Variants in ZDHHC2 observed in about 807,000 individuals in gnomAD.
ZDHHC2 encodes the protein palmitoyltransferase ZDHHC2.
Under a neutral mutation model 55.6 loss-of-function variants are expected in ZDHHC2, and 51 were observed. The observed-to-expected ratio is 0.92, with a 90% CI of 0.73 to 1.16. The LOEUF (loss-of-function observed/expected upper bound fraction) is 1.16, where lower values mean the gene tolerates loss of function less well. Ranked by LOEUF, ZDHHC2 falls within the 50% of genes most tolerant of loss-of-function variation. The pLI, the probability that ZDHHC2 is intolerant of heterozygous loss-of-function variation, is 0.00. For missense variants in ZDHHC2, 491 were observed against 442.4 expected (o/e 1.11, Z -0.99); for synonymous variants, 199 against 152.9 (o/e 1.30, Z -2.22).
chr8:17,168,835 A>C (rs150989226), intron 1 of ZDHHC2, among the ~76,000 whole-genome samples: 153 of 152,154 alleles, frequency 1.0e-3, no homozygotes, highest in Non-Finnish European at 1.7e-3. Context: ...CATTTTTTCA[A>C]AGTTCACCTG....
chr8:17,204,424 A>G (rs1216987688), intron 6 of ZDHHC2, among the ~76,000 whole-genome samples: 3 of 152,254 alleles, frequency 2.0e-5, no homozygotes, highest in Non-Finnish European at 4.4e-5. Context: ...TCTATTTAAT[A>G]GGTTCGTTAT....
chr8:17,157,120 C>T (rs894016814), intron 1 of ZDHHC2, among the ~76,000 whole-genome samples: 3 of 152,094 alleles, frequency 2.0e-5, no homozygotes, highest in African/African-American at 7.2e-5. Context: ...TTCCGCTCAC[C>T]GCCGCCGCCT....
intron 6 of ZDHHC2, among the ~76,000 whole-genome samples, chr8:17,204,442 A>G (rs948615601): frequency 6.6e-6 from 1 of 152,258 alleles, no homozygotes; most frequent in East Asian, 1.9e-4. Context: ...TATACCGGTT[A>G]ACCAAGAAGT....
chr8:17,178,205 C>G (rs1193834319), intron 1 of ZDHHC2, among the ~76,000 whole-genome samples: 1 of 152,042 alleles, frequency 6.6e-6, no homozygotes, highest in South Asian at 2.1e-4. Context: ...TCATTAGATA[C>G]CATTTAGGAC....
At chr8:17,199,680 CTTCTT>C (rs1407756144) in intron 6 of ZDHHC2, among the ~76,000 whole-genome samples, 8 of 137,120 alleles carry the variant, frequency 5.8e-5, no homozygotes, top group African/African-American at 2.1e-4. Context: ...CCTTCTTCTT[CTTCTT>C]TTCTTCTTTC....
intron 1 of ZDHHC2, among the ~76,000 whole-genome samples, chr8:17,173,925 C>A (rs1563144068): frequency 6.6e-6 from 1 of 152,064 alleles, no homozygotes; most frequent in South Asian, 2.1e-4. Flanking sequence ...CCTTATCCAA[C>A]GTGACTTGCT....
chr8:17,211,360 C>G (rs1807378881), intron 10 of ZDHHC2, among the ~76,000 whole-genome samples: 1 of 152,146 alleles, frequency 6.6e-6, no homozygotes, highest in Admixed American at 6.5e-5. Flanking sequence ...CACCAACACT[C>G]CATATTGAAC....
intron 1 of ZDHHC2, among the ~76,000 whole-genome samples, chr8:17,174,725 T>C (rs1483456554): frequency 1.4e-5 from 2 of 147,540 alleles, no homozygotes; most frequent in Non-Finnish European, 3.0e-5. Context: ...TTTTTTTTTT[T>C]TTTGAGACAT....
chr8:17,188,302 C>T (rs901672266), intron 3 of ZDHHC2, among the ~76,000 whole-genome samples: 3 of 152,066 alleles, frequency 2.0e-5, no homozygotes, highest in Non-Finnish European at 2.9e-5. Context: ...GTAACGCCTT[C>T]CCTCTACTGC....
intron 6 of ZDHHC2, among the ~76,000 whole-genome samples, chr8:17,204,322 G>A (rs940200998): frequency 8.5e-5 from 13 of 152,256 alleles, no homozygotes; most frequent in Middle Eastern, 6.8e-3. Flanking sequence ...TTTTACCTAC[G>A]TTAGAAGGGG....
At chr8:17,215,815 C>T (rs1320845561) in intron 11 of ZDHHC2, among the ~76,000 whole-genome samples, 2 of 152,154 alleles carry the variant, frequency 1.3e-5, no homozygotes, top group Non-Finnish European at 2.9e-5. Flanking sequence ...CTTCATATCC[C>T]ACTCACATTC....
chr8:17,218,721 G>T (rs1807763834), intron 12 of ZDHHC2, among the ~76,000 whole-genome samples: 1 of 152,116 alleles, frequency 6.6e-6, no homozygotes, highest in South Asian at 2.1e-4. Context: ...ATGGCAGCAT[G>T]AATCAGCGCT....
intron 3 of ZDHHC2, among the ~76,000 whole-genome samples, chr8:17,194,516 A>G (rs1219367337): frequency 1.3e-5 from 2 of 151,666 alleles, no homozygotes; most frequent in Non-Finnish European, 2.9e-5. Flanking sequence ...AAACTTAACA[A>G]CTATCCTGCG....
At position 17,209,931 on chromosome 8, in the gene ZDHHC2, G is replaced by C; in HGVS notation, c.731-1G>C. The C allele has an allele frequency of 6.2e-7, 1 of 1,601,090 alleles. No homozygotes were observed. ...GTGATTCCTTTACCATCTTTTTTTA[G>C]AGGCATTCAGAAGTCCAGTATTTCG... On this transcript the variant is annotated splice_acceptor_variant, in intron 8 of 12. Coordinates refer to ENST00000262096, the MANE Select transcript of ZDHHC2 (RefSeq NM_016353.5). LOFTEE classifies it high-confidence loss of function.
chr8:17,203,922 C>G (rs1318717447), intron 6 of ZDHHC2, among the ~76,000 whole-genome samples: 4 of 151,936 alleles, frequency 2.6e-5, no homozygotes, highest in Admixed American at 2.6e-4. Flanking sequence ...ATTGTCCTGC[C>G]TCGGCCTCCC....
chr8:17,215,116 G>A, intron 10 of ZDHHC2, 121 bp from the exon 11 acceptor site: 1 of 754,702 alleles, frequency 1.3e-6, no homozygotes, highest in Non-Finnish European at 2.2e-6. Context: ...ACGTTATTTT[G>A]GGTACCTCCT....
chr8:17,195,925 T>G (rs570225777), intron 4 of ZDHHC2, among the ~76,000 whole-genome samples: 26 of 152,334 alleles, frequency 1.7e-4, no homozygotes, highest in African/African-American at 6.0e-4. Flanking sequence ...GTAGTACTCA[T>G]GTTTAAGGTT....
chr8:17,162,839 A>G (rs1451670981), intron 1 of ZDHHC2: 1 of 152,274 alleles, frequency 6.6e-6, no homozygotes, highest in Non-Finnish European at 1.5e-5. Context: ...CTTCCTGGCC[A>G]ATGGAAAAGG....
intron 1 of ZDHHC2, among the ~76,000 whole-genome samples, chr8:17,162,638 C>T (rs1370745791): frequency 3.9e-5 from 6 of 152,118 alleles, no homozygotes; most frequent in Non-Finnish European, 7.4e-5. Flanking sequence ...TACAAGATAA[C>T]TTCATAGAGA....
Sources: allele counts gnomAD v4.1 joint callset (sites outside exome capture counted in the v4.1 genomes callset), GRCh38; gene constraint gnomAD v4.1.1; transcripts MANE v1.5; gene names NCBI Gene and HGNC (gene_info 2026-07-23, HGNC 2026-07-21).